The following CPM variants were observed in gnomAD, a reference collection of about 807,000 sequenced individuals.
CPM encodes the protein carboxypeptidase M, also known as renal carboxypeptidase.
Under a neutral mutation model 46.4 loss-of-function variants are expected in CPM, and 35 were observed. That is an observed-to-expected ratio of 0.75 (90% CI 0.58 to 1.00). The LOEUF (loss-of-function observed/expected upper bound fraction) is 1.00, where lower values mean the gene tolerates loss of function less well. Ranked by LOEUF, CPM falls within the 50% of genes least tolerant of loss-of-function variation. The probability of loss-of-function intolerance (pLI) is 0.00; values close to 1 mark genes in which losing one functional copy is unlikely to be tolerated. For synonymous variants in CPM, 195 were observed against 195.3 expected, an observed-to-expected ratio of 1.00 and a Z score of 0.01; for missense variants, 422 against 530.4, an observed-to-expected ratio of 0.80 and a Z score of 2.01.
chr12:68,942,753 T>G (rs1448058159), intron 1 of CPM, among the ~76,000 whole-genome samples: 1 of 152,222 alleles, frequency 6.6e-6, no homozygotes, highest in African/African-American at 2.4e-5. Context: ...ATAATATTAC[T>G]TTCTGCTTCT....
At chr12:68,957,376 C>A in intron 1 of CPM, 1 of 233,348 alleles carries the variant, frequency 4.3e-6, no homozygotes, top group Non-Finnish European at 9.1e-6. Flanking sequence ...CTTTATTCAG[C>A]TAAGGGGGCA....
At chr12:68,842,365 C>T (rs190072365) in intron 5 of CPM, 9 of 494,552 alleles carry the variant, frequency 1.8e-5, no homozygotes, top group Non-Finnish European at 2.4e-5. Context: ...TAACAGGATG[C>T]AGACATGGCA....
chr12:68,866,475 C>T (rs1162016058), intron 7 of CPM, among the ~76,000 whole-genome samples: 7 of 152,318 alleles, frequency 4.6e-5, no homozygotes, highest in Non-Finnish European at 1.0e-4. Flanking sequence ...TCCCAAGTAA[C>T]TGGGACTACA....
intron 3 of CPM, among the ~76,000 whole-genome samples, chr12:68,880,116 G>A (rs1045794702): frequency 1.4e-5 from 2 of 139,478 alleles, no homozygotes; most frequent in Admixed American, 1.4e-4. Flanking sequence ...AAAAAAAAAA[G>A]ATTCAACTGT....
At position 68,923,158 on chromosome 12, in the gene CPM, AGAGTGTGTGTGTGTGTGT is replaced by A. The variant is rs1414352598; in HGVS notation, c.160+9502_160+9519del. Reference sequence around the variant, plus strand: ...CCAAATGCATGTTGGTATTTGATATAGAGTGTGTGTGTGTGTGTGTGTGTGTGTGTGTGTGTGTGTGTG... The same window carrying A: ...CCAAATGCATGTTGGTATTTGATATAGTGTGTGTGTGTGTGTGTGTGTGTG... On this transcript the variant is annotated intron_variant, in intron 2 of 8. Coordinates refer to ENST00000551568, the MANE Select transcript of CPM (RefSeq NM_198320.5). Among the ~76,000 whole-genome samples, 651 of 131,886 alleles carry A rather than the reference AGAGTGTGTGTGTGTGTGT, an allele frequency of 4.9e-3. 9 individuals are homozygous for A. The highest frequency in any genetic ancestry group is 0.017 in the African/African-American group (563 of 34,034). The allele number at this position is 131,886 out of a possible 152,430, so 86.5% of individuals were successfully genotyped here.
At chr12:68,879,866 T>C (rs1055194193) in intron 3 of CPM, among the ~76,000 whole-genome samples, 1 of 152,198 alleles carries the variant, frequency 6.6e-6, no homozygotes, top group Non-Finnish European at 1.5e-5. Flanking sequence ...CTCTTCTGCA[T>C]CCACATTTAG....
chr12:68,905,190 G>A (rs931854857), intron 2 of CPM, among the ~76,000 whole-genome samples: 8 of 151,476 alleles, frequency 5.3e-5, no homozygotes, highest in African/African-American at 1.2e-4. Context: ...GATTACAGGC[G>A]TGAACTACCA....
chr12:68,862,476 C>T (rs1202195379), intron 7 of CPM, among the ~76,000 whole-genome samples: 8 of 139,540 alleles, frequency 5.7e-5, no homozygotes, highest in South Asian at 4.4e-4. Flanking sequence ...TCAAGTGATC[C>T]GCCCACCTTG....
chr12:68,865,364 T>C (rs1367203385), intron 7 of CPM, among the ~76,000 whole-genome samples: 1 of 152,138 alleles, frequency 6.6e-6, no homozygotes, highest in African/African-American at 2.4e-5. Context: ...TGTACTTCTC[T>C]TCAGGTCAGG....
At chr12:68,894,765 T>TG (rs1886799010) in intron 2 of CPM, among the ~76,000 whole-genome samples, 3 of 152,086 alleles carry the variant, frequency 2.0e-5, no homozygotes, top group Non-Finnish European at 1.5e-5. Context: ...CCAGGTGTGG[T>TG]GGCTCATGCC....
At chr12:68,923,210 TGTG>T (rs1888114501) in intron 2 of CPM, among the ~76,000 whole-genome samples, 1 of 144,832 alleles carries the variant, frequency 6.9e-6, no homozygotes, top group South Asian at 2.2e-4. Context: ...TGTGTGTGTG[TGTG>T]TTTTGAGTAA....
intron 7 of CPM, among the ~76,000 whole-genome samples, chr12:68,859,985 C>G (rs1224340665): frequency 1.3e-5 from 2 of 152,156 alleles, no homozygotes; most frequent in African/African-American, 2.4e-5. Context: ...GTAAGATGAT[C>G]TTGAACTCTC....
intron 7 of CPM, among the ~76,000 whole-genome samples, chr12:68,866,271 A>G (rs1885439056): frequency 6.6e-6 from 1 of 152,134 alleles, no homozygotes; most frequent in African/African-American, 2.4e-5. Context: ...TATTTTCCTG[A>G]TATTTTGCCA....
At chr12:68,918,769 C>T (rs1887918621) in intron 2 of CPM, among the ~76,000 whole-genome samples, 1 of 152,194 alleles carries the variant, frequency 6.6e-6, no homozygotes, top group Non-Finnish European at 1.5e-5. Flanking sequence ...TCAACATTTG[C>T]CAGGACTACT....
chr12:68,879,240 T>C (rs921592858), intron 3 of CPM, among the ~76,000 whole-genome samples: 5 of 152,174 alleles, frequency 3.3e-5, no homozygotes, highest in African/African-American at 7.2e-5. Context: ...GCATATTCAA[T>C]AGTTACTCCT....
intron 7 of CPM, among the ~76,000 whole-genome samples, chr12:68,866,255 G>A (rs964513271): frequency 5.3e-5 from 8 of 152,176 alleles, no homozygotes; most frequent in African/African-American, 1.9e-4. Flanking sequence ...TAACAGAGTA[G>A]CAGCCTATTT....
chr12:68,963,186 C>A, exon 1 of CPM: 1 of 177,634 alleles, frequency 5.6e-6, no homozygotes, highest in South Asian at 1.5e-4. Flanking sequence ...GATTGTAGGT[C>A]ATAAGACCCC....
chr12:68,919,784 T>A (rs1305339059), intron 2 of CPM, among the ~76,000 whole-genome samples: 1 of 152,220 alleles, frequency 6.6e-6, no homozygotes, highest in East Asian at 1.9e-4. Context: ...CTAAGATTAT[T>A]CATCTGAGTC....
chr12:68,883,637 T>C (rs1026013240), intron 3 of CPM, among the ~76,000 whole-genome samples: 3 of 152,096 alleles, frequency 2.0e-5, no homozygotes, highest in African/African-American at 7.2e-5. Context: ...GGAAAGTGCA[T>C]GGAAAGAATA....
Sources: allele counts gnomAD v4.1 joint callset (sites outside exome capture counted in the v4.1 genomes callset), GRCh38; gene constraint gnomAD v4.1.1; transcripts MANE v1.5; gene names NCBI Gene and HGNC (gene_info 2026-07-23, HGNC 2026-07-21).